Variants in ABCB10 observed in about 807,000 individuals in gnomAD.
ABCB10 encodes ATP binding cassette subfamily B member 10, also known as ATP-binding cassette sub-family B member 10, mitochondrial.
ABCB10 carries 54 observed loss-of-function variants against 65.4 expected under a neutral mutation model. The ratio of observed to expected loss-of-function variants is 0.83; its 90% CI spans 0.66 to 1.04. ABCB10 has a LOEUF of 1.04. Ranked by LOEUF, ABCB10 falls within the 50% of genes least tolerant of loss-of-function variation. ABCB10 has a pLI of 0.00. For missense variants in ABCB10, 846 were observed against 976.6 expected (o/e 0.87, Z 1.78); for synonymous variants, 418 against 406.5 (o/e 1.03, Z -0.34).
At chr1:229,529,666 TC>T (rs1662533197) in intron 8 of ABCB10, among the ~76,000 whole-genome samples, 1 of 49,428 alleles carries the variant, frequency 2.0e-5, no homozygotes, top group African/African-American at 8.5e-5. Flanking sequence ...CAAGACTGTC[TC>T]AAAAAAAAAA....
chr1:229,526,629 T>TG (rs1558119787), intron 9 of ABCB10, among the ~76,000 whole-genome samples: 1 of 152,202 alleles, frequency 6.6e-6, no homozygotes, highest in Non-Finnish European at 1.5e-5. Context: ...GAGGATGAGC[T>TG]AATCACAAAG....
chr1:229,549,343 G>T lies in ABCB10; in HGVS notation c.609C>A (p.Pro203=). The change falls in exon 2 of 13, where the codon CCC becomes CCA. Residue 203 remains proline, a synonymous_variant. Coordinates refer to ENST00000344517, the MANE Select transcript of ABCB10 (RefSeq NM_012089.3). ...TCAGGTTGTCGCTGTAGTCCACAGT[G>T]GGGTTGGTATAGATGACATCAATGA... ...GKIIDVIYTN[P]TVDYSDNLTR... is the part of the protein sequence containing the mutation. 6.2e-7 allele frequency: 1 copy of T among 1,614,148 alleles called. No homozygotes were observed. The highest frequency in any genetic ancestry group is 8.5e-7 in the Non-Finnish European group (1 of 1,180,028).
chr1:229,521,466 A>T (rs10799534), intron 11 of ABCB10, 126 bp downstream of exon 11: 4 of 1,072,590 alleles, frequency 3.7e-6, no homozygotes, highest in Non-Finnish European at 5.4e-6. Flanking sequence ...TCACCCTCCC[A>T]CTCCAAGAAA....
intron 10 of ABCB10, among the ~76,000 whole-genome samples, chr1:229,525,651 T>A (rs1410740247): frequency 6.6e-6 from 1 of 152,126 alleles, no homozygotes; most frequent in Non-Finnish European, 1.5e-5. Context: ...CTATCCTGGC[T>A]AACACGGTGA....
rs201665849 is a variant in ABCB10, at chr1:229,530,241, T to C, written c.1603A>G (p.Thr535Ala). The C allele has an allele frequency of 4.8e-5, 78 of 1,614,098 alleles. No homozygotes were observed. Among genetic ancestry groups the C allele is most frequent in the Non-Finnish European group, 6.4e-5 (75 of 1,179,990 alleles). The stretch of plus-strand genomic sequence containing the variant: ...AACCTCAGCAGGAGTGAAAGCACTG[T>C]TGATTTGCCAGAACCACTTGGGCCA... ...LVGPSGSGKS[T>A]VLSLLLRLYD... Residue 535 changes from threonine (T) to alanine (A), a missense_variant, in exon 8 of 13, where the codon ACA becomes GCA. This residue lies in a region of ABCB10 where 632 missense variants were observed against 803.2 expected (regional missense o/e 0.79). Coordinates refer to ENST00000344517, the MANE Select transcript of ABCB10 (RefSeq NM_012089.3).
intron 1 of ABCB10, 78 bp downstream of exon 1, chr1:229,558,058 G>A: frequency 8.0e-7 from 1 of 1,251,514 alleles, no homozygotes; most frequent in South Asian, 2.4e-5. Context: ...GCCCGGCCGT[G>A]TCCCTCTCGG....
chr1:229,539,022 T>C (rs1449905692), intron 6 of ABCB10, among the ~76,000 whole-genome samples: 1 of 152,232 alleles, frequency 6.6e-6, no homozygotes, highest in Admixed American at 6.5e-5. Context: ...CTCATTAATT[T>C]TGAATATGGT....
Position 229,517,808 on chromosome 1 carries a change from T to C in ABCB10, c.*371A>G. 1 of 180,010 alleles carries C rather than the reference T, an allele frequency of 5.6e-6. No individual in the cohort carries two copies. Among genetic ancestry groups the C allele is most frequent in the Admixed American group, 5.9e-5 (1 of 17,042 alleles). 11.2% of individuals were successfully genotyped at this position (180,010 alleles called of 1,614,324 possible). A position where few individuals can be genotyped will look rare whatever the true frequency, so the allele number is the denominator to read the frequency against. ...CAGTGATTGGTAAACTGGCCTAAAA[T>C]AATCAGGCTTTTTATTTATAATTGC... On this transcript the variant is annotated 3_prime_UTR_variant, in exon 13 of 13. Coordinates refer to ENST00000344517, the MANE Select transcript of ABCB10 (RefSeq NM_012089.3).
intron 6 of ABCB10, among the ~76,000 whole-genome samples, chr1:229,538,128 C>T (rs1029509145): frequency 1.5e-4 from 23 of 152,240 alleles, no homozygotes; most frequent in African/African-American, 5.5e-4. Context: ...CTCCCATAAC[C>T]AGTGGTGGTA....
In ABCB10 at chr1:229,532,180, G is replaced by A. The variant is rs540609838; in HGVS notation, c.1340-449C>T. 2.2e-4 allele frequency among the ~76,000 whole-genome samples: 34 copies of A among 152,126 alleles called. No homozygotes were observed. In the South Asian group the frequency reaches 6.8e-3, roughly 31 times the overall value. On this transcript the variant is annotated intron_variant, in intron 6 of 12. Coordinates refer to ENST00000344517, the MANE Select transcript of ABCB10 (RefSeq NM_012089.3). ...TTGGCAAGGCTGCTCTCAAACTCCT[G>A]ACCTTAGGTGATCCACCCGCCTCAG...
chr1:229,556,812 G>C (rs746166032), intron 1 of ABCB10, among the ~76,000 whole-genome samples: 4 of 152,198 alleles, frequency 2.6e-5, no homozygotes, highest in Non-Finnish European at 5.9e-5. Flanking sequence ...CTCTGTGCCT[G>C]GTGGTATGGT....
Position 229,547,676 on chromosome 1 carries a change from TCTC to T in ABCB10, c.741_743del (p.Arg248del), listed in dbSNP as rs1211529703. The T allele has an allele frequency of 6.2e-7, 1 of 1,614,040 alleles. No individual in the cohort carries two copies. Among genetic ancestry groups the T allele is most frequent in the Non-Finnish European group, 8.5e-7 (1 of 1,180,022 alleles). On this transcript the variant is annotated inframe_deletion, in exon 3 of 13. Transcript: ENST00000344517. Reference sequence around the variant, plus strand: ...TCAGAATGGAGGAGAATAATGAAGTTCTCAGCCTATTCACAATGCGCTGACCTG... The same window carrying T: ...TCAGAATGGAGGAGAATAATGAAGTTAGCCTATTCACAATGCGCTGACCTG...
intron 10 of ABCB10, among the ~76,000 whole-genome samples, chr1:229,523,731 C>T (rs1046562922): frequency 3.3e-5 from 5 of 152,144 alleles, no homozygotes; most frequent in South Asian, 2.1e-4. Context: ...CGCTGAGAAA[C>T]GGAACTGGAG....
chr1:229,518,050 A>C lies in ABCB10; in HGVS notation c.*129T>G. 1 of 684,356 alleles carries C rather than the reference A, an allele frequency of 1.5e-6. No individual in the cohort carries two copies. The highest frequency in any genetic ancestry group is 2.9e-5 in the Admixed American group (1 of 34,034). The allele number at this position is 684,356 out of a possible 1,614,324, so 42.4% of individuals were successfully genotyped here. On this transcript the variant is annotated 3_prime_UTR_variant, in exon 13 of 13. Coordinates refer to ENST00000344517, the MANE Select transcript of ABCB10 (RefSeq NM_012089.3). ...TACGTTTCAAAACAATCTTTTACAC[A>C]CTTTGGAAAAAAATAGGTATTTTTC...
chr1:229,531,946 A>ATTTT, intron 6 of ABCB10: 7 of 219,700 alleles, frequency 3.2e-5, no homozygotes, highest in Admixed American at 6.5e-5. Context: ...CCAGTTTCAT[A>ATTTT]GTTTTTTTTT....
chr1:229,531,564 AG>A (rs1662584560), intron 7 of ABCB10, 71 bp downstream of exon 7: 1 of 1,439,432 alleles, frequency 6.9e-7, no homozygotes, highest in Non-Finnish European at 9.7e-7. Flanking sequence ...CCTTGCAGAC[AG>A]GGGAAGAGCT....
chr1:229,521,840 T>C (rs1226911824), intron 10 of ABCB10, among the ~76,000 whole-genome samples: 2 of 152,232 alleles, frequency 1.3e-5, no homozygotes, highest in Admixed American at 1.3e-4. Context: ...CAAAATGTAT[T>C]GATGACTTCC....
rs768588894 is a variant in ABCB10 at position 229,525,903 on chromosome 1, G to A, written c.1906+33C>T. On this transcript the variant is annotated intron_variant, in intron 10 of 12. Transcript: ENST00000344517. ...ACATGTGAAAAGTTCTTTGGATATA[G>A]AGACTTTGCTACAAAGCAGTAAAGA... 8 of 1,574,480 alleles carry A rather than the reference G, an allele frequency of 5.1e-6. No individual in the cohort carries two copies. In the African/African-American group the frequency reaches 8.2e-5, roughly 16 times the overall value.
At chr1:229,537,348 T>C (rs535278965) in intron 6 of ABCB10, among the ~76,000 whole-genome samples, 31 of 152,360 alleles carry the variant, frequency 2.0e-4, no homozygotes, top group African/African-American at 7.5e-4. Flanking sequence ...CTTAGAATCA[T>C]TGGGGTTTTT....
Sources: allele counts gnomAD v4.1 joint callset (sites outside exome capture counted in the v4.1 genomes callset), GRCh38; gene constraint gnomAD v4.1.1; regional missense constraint gnomAD v4.1.1; transcripts MANE v1.5; gene names NCBI Gene and HGNC (gene_info 2026-07-23, HGNC 2026-07-21).